EP400: variants seen among roughly 807,000 people sequenced by gnomAD.
EP400 encodes E1A-binding protein p400.
Under a neutral mutation model 354.1 loss-of-function variants are expected in EP400, and 105 were observed. The observed-to-expected ratio is 0.30, with a 90% CI of 0.25 to 0.35. EP400 has a LOEUF of 0.35. Ranked by LOEUF, EP400 falls within the 10% of genes least tolerant of loss-of-function variation. EP400 has a pLI of 1.00. For missense variants in EP400, 3,280 were observed against 4,121.0 expected (o/e 0.80, Z 5.59); for synonymous variants, 1,646 against 1,716.9 (o/e 0.96, Z 1.02).
At position 132,054,086 on chromosome 12, in the gene EP400, C is replaced by T. The variant is rs1208375271; in HGVS notation, c.7728+489C>T. On this transcript the variant is annotated intron_variant, in intron 43 of 52. Transcript: ENST00000389561. This position sits in a 1 kb window ranked among gnomAD's most constrained non-coding sequence, Gnocchi z 4.0. ...GCATTGTGAAAAGAAAGGCAGGGTG[C>T]GGAGCTGCGGACTGTGGCCATGCAC... 6.6e-6 allele frequency among the ~76,000 whole-genome samples: 1 copy of T among 152,152 alleles called. No homozygotes were observed. Among genetic ancestry groups the T allele is most frequent in the African/African-American group, 2.4e-5 (1 of 41,412 alleles).
At position 132,079,640 on chromosome 12, in the gene EP400, A is replaced by G. The variant is rs1175757337; in HGVS notation, c.*1967A>G. 6.6e-6 allele frequency: 1 copy of G among 152,268 alleles called. No individual in the cohort carries two copies. Among genetic ancestry groups the G allele is most frequent in the East Asian group, 1.9e-4 (1 of 5,202 alleles). The allele number at this position is 152,268 out of a possible 1,614,324, so 9.4% of individuals were successfully genotyped here. A position where few individuals can be genotyped will look rare whatever the true frequency, so the allele number is the denominator to read the frequency against. ...ATAACTGTCTAAGTAAAAGCGCTCTATTAATCTAAAACACTACAAGAGAAT... is the reference window on the plus strand; with the variant it reads ...ATAACTGTCTAAGTAAAAGCGCTCTGTTAATCTAAAACACTACAAGAGAAT... On this transcript the variant is annotated 3_prime_UTR_variant, in exon 53 of 53. Coordinates refer to ENST00000389561, the MANE Select transcript of EP400 (RefSeq NM_015409.5).
At chr12:131,969,734 T>C (rs1391191323) in intron 2 of EP400, among the ~76,000 whole-genome samples, 1 of 152,162 alleles carries the variant, frequency 6.6e-6, no homozygotes, top group Non-Finnish European at 1.5e-5. Flanking sequence ...AGATACTCAT[T>C]GTAATGGGTT....
chr12:132,069,264 C>T (rs1895996906), intron 50 of EP400: 1 of 546,054 alleles, frequency 1.8e-6, no homozygotes, highest in Non-Finnish European at 3.1e-6. Context: ...CAGGCAACGG[C>T]CAGGCCTCCT....
intron 1 of EP400, among the ~76,000 whole-genome samples, chr12:131,952,644 A>G (rs1891552441): frequency 2.0e-5 from 3 of 152,048 alleles, no homozygotes; most frequent in Admixed American, 1.3e-4. Flanking sequence ...TAGAGACACT[A>G]TCTCACTGTG....
At chr12:132,040,850 G>A (rs1416557373) in intron 32 of EP400, among the ~76,000 whole-genome samples, 2 of 152,154 alleles carry the variant, frequency 1.3e-5, no homozygotes, top group Admixed American at 6.5e-5. Context: ...GCTGTGGCAC[G>A]GGGTCTGGCA....
chr12:131,982,214 G>A lies in EP400; in HGVS notation c.1665G>A (p.Pro555=), dbSNP rs773594607. 8.7e-6 allele frequency: 14 copies of A among 1,613,804 alleles called. No homozygotes were observed. The highest frequency in any genetic ancestry group is 1.1e-5 in the South Asian group (1 of 91,074). The change falls in exon 5 of 53, where the codon CCG becomes CCA. Residue 555 remains proline (P), a synonymous_variant. Coordinates refer to ENST00000389561, the MANE Select transcript of EP400 (RefSeq NM_015409.5). ...CTGCCAGCTTGCACACCCCACTGCC[G>A]CAGCTGCCCGGGAGGCTGCCCCCAG... ...QNAASLHTPL[P]QLPGRLPPAG...
chr12:132,000,026 G>A (rs1456236337), intron 12 of EP400, among the ~76,000 whole-genome samples: 1 of 128,868 alleles, frequency 7.8e-6, no homozygotes, highest in African/African-American at 2.9e-5. Context: ...TTTCTGTTTT[G>A]TTTCTGCTCG....
chr12:131,986,507 C>A lies in EP400; in HGVS notation c.1930-7C>A. The A allele has an allele frequency of 6.3e-7, 1 of 1,591,222 alleles. No individual in the cohort carries two copies. Among genetic ancestry groups the A allele is most frequent in the Non-Finnish European group, 8.6e-7 (1 of 1,167,096 alleles). ...CACCTTGCTCCACTTGTGCCCTGCCCTTACAGATGGTAGCATCGACAAGGC... is the reference window on the plus strand; with the variant it reads ...CACCTTGCTCCACTTGTGCCCTGCCATTACAGATGGTAGCATCGACAAGGC... On this transcript the variant is annotated splice_polypyrimidine_tract_variant and splice_region_variant and intron_variant, in intron 5 of 52. Transcript: ENST00000389561.
At chr12:131,970,441 C>G (rs1892250209) in intron 2 of EP400, among the ~76,000 whole-genome samples, 2 of 152,180 alleles carry the variant, frequency 1.3e-5, no homozygotes, top group Admixed American at 1.3e-4. Flanking sequence ...ATACTCTGAC[C>G]CAGCACGATG....
At position 132,038,116 on chromosome 12, in the gene EP400, G is replaced by T; in HGVS notation, c.6207+20G>T. 6.2e-7 allele frequency: 1 copy of T among 1,613,940 alleles called. No individual in the cohort carries two copies. The highest frequency in any genetic ancestry group is 8.5e-7 in the Non-Finnish European group (1 of 1,179,836). ...ATAGAGGTAAGAATACATTGAATCT[G>T]GCTGAAGAGTTGCACGGTGGGAGCC... On this transcript the variant is annotated intron_variant, in intron 32 of 52. Transcript: ENST00000389561. This position sits in a 1 kb window ranked among gnomAD's most constrained non-coding sequence, Gnocchi z 4.2.
In EP400 at chr12:132,066,821, C is replaced by T; in HGVS notation, c.8601C>T (p.Thr2867=). Residue 2867 remains threonine (T), a synonymous_variant, in exon 49 of 53, where the codon ACC becomes ACT. Coordinates refer to ENST00000389561, the MANE Select transcript of EP400 (RefSeq NM_015409.5). ...TGCAGGCGCAAGGGCAGATGCAGACCCAGGCACCCCAGCCAGCCCAGGTGG... is the reference window on the plus strand; with the variant it reads ...TGCAGGCGCAAGGGCAGATGCAGACTCAGGCACCCCAGCCAGCCCAGGTGG... ...SQLQAQGQMQ[T]QAPQPAQVAL... 3.7e-6 allele frequency: 6 copies of T among 1,613,922 alleles called. No homozygotes were observed. The African/African-American group carries it at 4.0e-5, about 11-fold the overall frequency.
intron 15 of EP400, 123 bp downstream of exon 15, chr12:132,007,000 C>A: frequency 9.3e-7 from 1 of 1,072,650 alleles, no homozygotes; most frequent in Non-Finnish European, 1.3e-6. Flanking sequence ...ATCTGTTGAC[C>A]TGAGCAAATT....
In EP400 at chr12:132,075,353, G is replaced by A. The variant is rs944425337; in HGVS notation, c.9022-1163G>A. Among the ~76,000 whole-genome samples the A allele has an allele frequency of 6.6e-6, 1 of 152,162 alleles. No homozygotes were observed. The highest frequency in any genetic ancestry group is 2.4e-5 in the African/African-American group (1 of 41,444). ...AGAGGTTGTGCAGCTTTTCTGCTCC[G>A]TGACTCGTGATGCCCGCCTGTGCTT... On this transcript the variant is annotated intron_variant, in intron 51 of 52. Coordinates refer to ENST00000389561, the MANE Select transcript of EP400 (RefSeq NM_015409.5). This position sits in a 1 kb window ranked among gnomAD's most constrained non-coding sequence, Gnocchi z 4.5.
chr12:131,996,620 C>T (rs993032966), intron 12 of EP400, among the ~76,000 whole-genome samples: 2 of 152,068 alleles, frequency 1.3e-5, no homozygotes, highest in African/African-American at 4.8e-5. Context: ...AAAACAATTA[C>T]ATATATATAT....
At chr12:131,986,406 G>A in intron 5 of EP400, 108 bp from the exon 6 acceptor site, 1 of 1,065,184 alleles carries the variant, frequency 9.4e-7, no homozygotes, top group South Asian at 1.5e-5. Context: ...GGAGCGGAAG[G>A]TGCTGGCAGT....
In EP400 at chr12:132,067,503, A is replaced by C. The variant is rs1895930805; in HGVS notation, c.8874+17A>C. On this transcript the variant is annotated intron_variant, in intron 50 of 52. Coordinates refer to ENST00000389561, the MANE Select transcript of EP400 (RefSeq NM_015409.5). This position sits in a 1 kb window ranked among gnomAD's most constrained non-coding sequence, Gnocchi z 5.3. ...CAGCAGAAGGTACCGGGGCTAGGGG[A>C]TTCTCACTTCTGGGTCTATGCCAAG... 2 of 1,609,066 alleles carry C rather than the reference A, an allele frequency of 1.2e-6. No homozygotes were observed. The highest frequency in any genetic ancestry group is 1.7e-6 in the Non-Finnish European group (2 of 1,179,264).
chr12:132,023,958 G>A lies in EP400; in HGVS notation c.4855+17G>A. On this transcript the variant is annotated intron_variant, in intron 24 of 52. Coordinates refer to ENST00000389561, the MANE Select transcript of EP400 (RefSeq NM_015409.5). ...AGCTGCAAGGTAAGGATAAGGATGA[G>A]AGAGCACTGATGCCAAAAATGACAA... 1 of 1,557,756 alleles carries A rather than the reference G, an allele frequency of 6.4e-7. No homozygotes were observed. Among genetic ancestry groups the A allele is most frequent in the Non-Finnish European group, 8.7e-7 (1 of 1,152,472 alleles).
chr12:132,012,879 A>T (rs1041214373), intron 16 of EP400, 130 bp from the exon 17 acceptor site: 6 of 983,290 alleles, frequency 6.1e-6, no homozygotes, highest in African/African-American at 3.3e-5. Context: ...CAAGTTATTT[A>T]AAAAAGCAAG....
At chr12:132,006,678 T>C in intron 14 of EP400, 22 bp from the exon 15 acceptor site, 1 of 1,553,606 alleles carries the variant, frequency 6.4e-7, no homozygotes, top group Admixed American at 2.2e-5. Flanking sequence ...GCTGTCATTC[T>C]TTTATTTGTT....
Sources: gnomAD v4.1 joint callset for allele counts (sites outside exome capture counted in the v4.1 genomes callset) on GRCh38, gnomAD v4.1.1 for gene constraint, Gnocchi (gnomAD v3.1) non-coding constraint, MANE v1.5 for transcripts, NCBI Gene and HGNC (gene_info 2026-07-23, HGNC 2026-07-21) for gene names.